The following KCNIP4 variants were observed in gnomAD, a reference collection of about 807,000 sequenced individuals.
The protein encoded by KCNIP4 is Kv channel-interacting protein 4.
KCNIP4 carries 12 observed loss-of-function variants against 34.0 expected under a neutral mutation model. That is an observed-to-expected ratio of 0.35 (90% CI 0.23 to 0.57). KCNIP4 has a LOEUF of 0.57. KCNIP4 is among the 20% of genes least tolerant of loss of function. The probability of loss-of-function intolerance (pLI) is 0.83; values close to 1 mark genes in which losing one functional copy is unlikely to be tolerated. For missense variants in KCNIP4, 238 were observed against 311.7 expected (o/e 0.76, Z 1.78); for synonymous variants, 124 against 102.2 (o/e 1.21, Z -1.29).
rs560095559 is a variant in KCNIP4 at position 21,066,063 on chromosome 4, A to AAAAC, written c.62-183358_62-183355dup. On this transcript the variant is annotated intron_variant, in intron 1 of 8. Coordinates refer to ENST00000382152, the MANE Select transcript of KCNIP4 (RefSeq NM_025221.6). Reference sequence around the variant, plus strand: ...TCGAGTTTTTATAGACCCTAGGGTAAAAACAAACAAACAAACAAACAAAAA... The same window carrying AAAAC: ...TCGAGTTTTTATAGACCCTAGGGTAAAAACAAACAAACAAACAAACAAACAAAAA... 3.9e-3 allele frequency among the ~76,000 whole-genome samples: 598 copies of AAAAC among 152,006 alleles called. 2 individuals carry two copies. Among genetic ancestry groups the AAAAC allele is most frequent in the African/African-American group, 0.014 (561 of 41,458 alleles).
At chr4:21,252,287 C>T (rs1410681232) in intron 1 of KCNIP4, among the ~76,000 whole-genome samples, 3 of 151,764 alleles carry the variant, frequency 2.0e-5, no homozygotes, top group Non-Finnish European at 4.4e-5. Flanking sequence ...ACCTCCACAC[C>T]CTGCTAACTT....
chr4:21,601,906 C>T (rs758109205), intron 1 of KCNIP4, among the ~76,000 whole-genome samples: 1 of 152,166 alleles, frequency 6.6e-6, no homozygotes, highest in African/African-American at 2.4e-5. Context: ...CCATCAAACG[C>T]TAAGTGTCCT....
chr4:21,042,200 CA>C (rs963726450), intron 1 of KCNIP4, among the ~76,000 whole-genome samples: 1 of 152,046 alleles, frequency 6.6e-6, no homozygotes, highest in Non-Finnish European at 1.5e-5. Flanking sequence ...GGTATATATC[CA>C]AAGTAAATGA....
chr4:20,772,854 G>A (rs573475795), intron 3 of KCNIP4, among the ~76,000 whole-genome samples: 1 of 151,804 alleles, frequency 6.6e-6, no homozygotes, highest in Admixed American at 6.6e-5. Context: ...TGCTAATCTC[G>A]AACTCCTGAC....
chr4:20,770,660 G>A (rs1755789649), intron 3 of KCNIP4, among the ~76,000 whole-genome samples: 1 of 152,176 alleles, frequency 6.6e-6, no homozygotes, highest in East Asian at 1.9e-4. Flanking sequence ...TAAGGCAGGT[G>A]CAGTGGCTCG....
intron 1 of KCNIP4, among the ~76,000 whole-genome samples, chr4:21,049,509 C>T (rs1742745739): frequency 6.6e-6 from 1 of 152,164 alleles, no homozygotes; most frequent in African/African-American, 2.4e-5. Context: ...GGAAGAAAGG[C>T]TCAATGTTTT....
At chr4:21,174,011 C>T (rs1020290546) in intron 1 of KCNIP4, among the ~76,000 whole-genome samples, 4 of 152,208 alleles carry the variant, frequency 2.6e-5, no homozygotes, top group African/African-American at 9.6e-5. Context: ...ACCTGCCTTC[C>T]TCCTAATGGG....
chr4:21,838,600 GA>G (rs779770572), intron 1 of KCNIP4, among the ~76,000 whole-genome samples: 2 of 152,076 alleles, frequency 1.3e-5, no homozygotes, highest in Non-Finnish European at 2.9e-5. Flanking sequence ...ACACTTTTAT[GA>G]ATTCGTATTG....
intron 1 of KCNIP4, among the ~76,000 whole-genome samples, chr4:21,741,469 C>A: frequency 6.6e-6 from 1 of 152,136 alleles, no homozygotes; most frequent in East Asian, 1.9e-4. Context: ...CCCAAGGAAG[C>A]TTTTATCTCT....
At chr4:21,444,882 A>G (rs1453604176) in intron 1 of KCNIP4, among the ~76,000 whole-genome samples, 1 of 152,174 alleles carries the variant, frequency 6.6e-6, no homozygotes, top group Non-Finnish European at 1.5e-5. Flanking sequence ...AAACCCCATC[A>G]TCTCAGCCCC....
intron 1 of KCNIP4, among the ~76,000 whole-genome samples, chr4:21,761,289 C>A (rs536229745): frequency 6.5e-5 from 8 of 122,968 alleles, no homozygotes; most frequent in Non-Finnish European, 9.3e-5. Context: ...TAAATTGAAC[C>A]CTGGTGGTTA....
At chr4:20,983,976 G>T in intron 1 of KCNIP4, 1 of 1,529,904 alleles carries the variant, frequency 6.5e-7, no homozygotes, top group African/African-American at 1.4e-5. Context: ...GGAGTGGAGG[G>T]AGTTAATTAC....
intron 1 of KCNIP4, among the ~76,000 whole-genome samples, chr4:21,281,043 T>C (rs539555234): frequency 6.6e-6 from 1 of 151,876 alleles, no homozygotes; most frequent in East Asian, 1.9e-4. Context: ...CTCTCTATAA[T>C]AGTTTAAATG....
intron 1 of KCNIP4, among the ~76,000 whole-genome samples, chr4:21,642,319 T>A (rs762090978): frequency 7.2e-5 from 11 of 151,982 alleles, no homozygotes; most frequent in Non-Finnish European, 1.5e-4. Context: ...TATAGCATGA[T>A]CATGGAATTC....
chr4:21,403,188 T>A (rs941230852), intron 1 of KCNIP4, among the ~76,000 whole-genome samples: 1 of 152,200 alleles, frequency 6.6e-6, no homozygotes, highest in African/African-American at 2.4e-5. Context: ...TTCTTCTCAG[T>A]CTCCATTATT....
intron 1 of KCNIP4, among the ~76,000 whole-genome samples, chr4:21,722,272 C>T (rs1020863009): frequency 6.6e-5 from 10 of 152,118 alleles, no homozygotes; most frequent in African/African-American, 2.4e-4. Context: ...GGTATGAAAA[C>T]AATTCCAGTG....
At chr4:20,794,944 G>A (rs1713259659) in intron 3 of KCNIP4, among the ~76,000 whole-genome samples, 1 of 152,126 alleles carries the variant, frequency 6.6e-6, no homozygotes, top group Non-Finnish European at 1.5e-5. Context: ...ACTGGATTTG[G>A]TTAATCTTCA....
At chr4:20,999,181 A>G (rs1475025156) in intron 1 of KCNIP4, among the ~76,000 whole-genome samples, 1 of 152,208 alleles carries the variant, frequency 6.6e-6, no homozygotes, top group African/African-American at 2.4e-5. Context: ...TGTTACTTAT[A>G]GAGCAAACAG....
At chr4:20,985,425 C>G (rs1279337732) in intron 1 of KCNIP4, among the ~76,000 whole-genome samples, 1 of 152,134 alleles carries the variant, frequency 6.6e-6, no homozygotes, top group East Asian at 1.9e-4. Context: ...ACAAATTAAT[C>G]TACCACATAA....
Sources: gnomAD v4.1 joint callset for allele counts (sites outside exome capture counted in the v4.1 genomes callset) on GRCh38, gnomAD v4.1.1 for gene constraint, MANE v1.5 for transcripts, NCBI Gene and HGNC (gene_info 2026-07-23, HGNC 2026-07-21) for gene names.